The following MAJIN variants were observed in gnomAD, a reference collection of about 807,000 sequenced individuals.
MAJIN encodes the protein membrane anchored junction protein.
A neutral mutation model predicts 30.2 loss-of-function variants in MAJIN; 27 were observed. The ratio of observed to expected loss-of-function variants is 0.89; its 90% CI spans 0.66 to 1.23. The LOEUF (loss-of-function observed/expected upper bound fraction) is 1.23. Ranked by LOEUF, MAJIN falls within the 50% of genes most tolerant of loss-of-function variation. MAJIN has a pLI of 0.00. For synonymous variants in MAJIN, 78 were observed against 91.6 expected, an observed-to-expected ratio of 0.85 and a Z score of 0.85; for missense variants, 253 against 260.3, an observed-to-expected ratio of 0.97 and a Z score of 0.19.
In MAJIN at chr11:64,940,069, A is replaced by G. The variant is rs56251530; in HGVS notation, c.547-302T>C. Among the ~76,000 whole-genome samples, 1,518 of 152,314 alleles carry G rather than the reference A, an allele frequency of 1.0e-2. 24 individuals carry two copies. The highest frequency in any genetic ancestry group is 0.033 in the African/African-American group (1,390 of 41,566). On this transcript the variant is annotated intron_variant, in intron 9 of 10. Transcript: ENST00000301896. ...GTTGTTGAAGGACTCACTGGCCTAC[A>G]TCCCTGTTTCTGTGATAACTGCAGT...
rs58387921 is a variant in MAJIN, at chr11:64,966,145, G to GAAAAAAAAAAAAAAAAAAAA, written c.-65+5712_-65+5731dup. The stretch of plus-strand genomic sequence containing the variant: ...ACATGTAAGGAAGAAGATTAAAAAT[G>GAAAAAAAAAAAAAAAAAAAA]AAAAAAAAAAAAAAAAAAAAGCAGC... On this transcript the variant is annotated intron_variant, in intron 1 of 10. Coordinates refer to ENST00000301896, the MANE Select transcript of MAJIN (RefSeq NM_001037225.3). Among the ~76,000 whole-genome samples, 142 of 57,104 alleles carry GAAAAAAAAAAAAAAAAAAAA rather than the reference G, an allele frequency of 2.5e-3. 16 individuals carry two copies. The highest frequency in any genetic ancestry group is 2.9e-3 in the Non-Finnish European group (97 of 33,432). 37.5% of individuals were successfully genotyped at this position (57,104 alleles called of 152,430 possible).
chr11:64,964,597 ATT>A (rs111965963), intron 1 of MAJIN, among the ~76,000 whole-genome samples: 6 of 142,884 alleles, frequency 4.2e-5, no homozygotes, highest in Non-Finnish European at 3.1e-5. Flanking sequence ...GCAAAATTTA[ATT>A]TTTTTTTTTT....
intron 1 of MAJIN, among the ~76,000 whole-genome samples, chr11:64,964,103 C>A (rs1367787990): frequency 6.6e-6 from 1 of 152,092 alleles, no homozygotes; most frequent in Non-Finnish European, 1.5e-5. Context: ...ACCATCACAC[C>A]TAAATTTTGT....
rs1365566938 is a variant in MAJIN at position 64,938,359 on chromosome 11, T to A, written c.*216A>T. 1.5e-6 allele frequency: 1 copy of A among 675,310 alleles called. No individual in the cohort carries two copies. The highest frequency in any genetic ancestry group is 2.9e-5 in the Admixed American group (1 of 34,240). The allele number at this position is 675,310 out of a possible 1,614,324, so 41.8% of individuals were successfully genotyped here. A position where few individuals can be genotyped will look rare whatever the true frequency, so the allele number is the denominator to read the frequency against. ...ATGTTTTAAATTGGGGGAAAAAATC[T>A]ATTATAAAGGGGCAAAGGACACGAT... On this transcript the variant is annotated 3_prime_UTR_variant, in exon 11 of 11. Coordinates refer to ENST00000301896, the MANE Select transcript of MAJIN (RefSeq NM_001037225.3).
At chr11:64,948,749 C>T (rs1301074262) in intron 6 of MAJIN, among the ~76,000 whole-genome samples, 2 of 137,834 alleles carry the variant, frequency 1.5e-5, no homozygotes, top group Admixed American at 7.7e-5. Context: ...CTCTGCCTCC[C>T]GGGTTCAAGC....
intron 1 of MAJIN, among the ~76,000 whole-genome samples, chr11:64,970,361 CTTTTTTTTTTTT>C (rs1196525730): frequency 1.5e-5 from 1 of 66,058 alleles, no homozygotes; most frequent in East Asian, 3.9e-4. Flanking sequence ...AAGACTCCGT[CTTTTTTTTTTTT>C]TTTTTTTTTT....
chr11:64,947,922 C>T (rs1233562888), intron 6 of MAJIN, 103 bp from the exon 7 acceptor site: 17 of 1,060,336 alleles, frequency 1.6e-5, no homozygotes, highest in Middle Eastern at 2.6e-4. Flanking sequence ...TGCAGTGGTG[C>T]GATCTCGGCT....
At chr11:64,940,690 C>T (rs778250299) in intron 8 of MAJIN, 44 bp from the exon 9 acceptor site, 4 of 1,541,516 alleles carry the variant, frequency 2.6e-6, no homozygotes, top group Non-Finnish European at 3.6e-6. Context: ...TTTCCTCCTA[C>T]ACTGCATGGC....
At chr11:64,967,419 GAAAAAA>G (rs1285826099) in intron 1 of MAJIN, among the ~76,000 whole-genome samples, 1 of 149,258 alleles carries the variant, frequency 6.7e-6, no homozygotes, top group African/African-American at 2.5e-5. Context: ...AAAAGAAAAA[GAAAAAA>G]GAAAAAGAAA....
intron 5 of MAJIN, 77 bp from the exon 6 acceptor site, chr11:64,949,945 C>G: frequency 1.3e-6 from 2 of 1,536,016 alleles, no homozygotes; most frequent in Non-Finnish European, 1.8e-6. Flanking sequence ...GAGACTCTCT[C>G]TCCTTCCCCT....
intron 1 of MAJIN, among the ~76,000 whole-genome samples, chr11:64,967,413 GAAAAAGA>G (rs972924507): frequency 3.4e-5 from 5 of 148,980 alleles, no homozygotes; most frequent in African/African-American, 1.3e-4. Context: ...TCTCAAAAAA[GAAAAAGA>G]AAAAAGAAAA....
At chr11:64,941,128 G>A (rs1053272535) in intron 8 of MAJIN, among the ~76,000 whole-genome samples, 1 of 151,918 alleles carries the variant, frequency 6.6e-6, no homozygotes, top group African/African-American at 2.4e-5. Context: ...GTGAGCCACC[G>A]TGCCCAGCCA....
chr11:64,939,671 C>T lies in MAJIN; in HGVS notation c.643G>A (p.Gly215Ser), dbSNP rs1302186657. The change falls in exon 10 of 11, where the codon GGT (glycine) becomes AGT (serine). Residue 215 changes from glycine (G) to serine (S), a missense_variant. Coordinates refer to ENST00000301896, the MANE Select transcript of MAJIN (RefSeq NM_001037225.3). ...LRSEQPPASL[G>S]F Reference sequence around the variant, plus strand: ...ACAGAAGCTGTCTTACCTTAGAAACCCAAAGAAGCCGGTGGCTGCTCGCTC... The same window carrying T: ...ACAGAAGCTGTCTTACCTTAGAAACTCAAAGAAGCCGGTGGCTGCTCGCTC... The T allele has an allele frequency of 6.2e-7, 1 of 1,613,718 alleles. No individual in the cohort carries two copies. Among genetic ancestry groups the T allele is most frequent in the African/African-American group, 1.3e-5 (1 of 74,888 alleles).
intron 1 of MAJIN, among the ~76,000 whole-genome samples, chr11:64,966,834 T>G (rs748067488): frequency 2.7e-5 from 4 of 148,846 alleles, no homozygotes; most frequent in Non-Finnish European, 4.4e-5. Context: ...CTCAGGGGGC[T>G]GAGGCAGGAG....
intron 1 of MAJIN, among the ~76,000 whole-genome samples, chr11:64,969,996 G>C (rs1945872510): frequency 6.6e-6 from 1 of 152,124 alleles, no homozygotes; most frequent in Non-Finnish European, 1.5e-5. Context: ...TAGCCAAAGA[G>C]AGATTCTAGA....
chr11:64,971,590 GA>G (rs1590713047), intron 1 of MAJIN, among the ~76,000 whole-genome samples: 1 of 152,066 alleles, frequency 6.6e-6, no homozygotes, highest in Admixed American at 6.6e-5. Flanking sequence ...TCGCCCGAAG[GA>G]GGGGACAGAG....
intron 2 of MAJIN, among the ~76,000 whole-genome samples, 177 bp downstream of exon 2, chr11:64,959,912 T>C (rs918695194): frequency 2.6e-5 from 4 of 152,172 alleles, no homozygotes; most frequent in African/African-American, 7.2e-5. Flanking sequence ...TAGATGAAAT[T>C]AAGGTATTAC....
chr11:64,940,483 G>C, intron 9 of MAJIN, 91 bp downstream of exon 9: 3 of 1,355,946 alleles, frequency 2.2e-6, no homozygotes, highest in South Asian at 2.4e-5. Flanking sequence ...AGGGCACCCA[G>C]ACTCAGCTCT....
At chr11:64,961,467 ATTTT>A (rs36053356) in intron 1 of MAJIN, among the ~76,000 whole-genome samples, 3 of 59,152 alleles carry the variant, frequency 5.1e-5, no homozygotes, top group Admixed American at 2.8e-4. Flanking sequence ...GTGCCCGGCA[ATTTT>A]TTTTTTTTTT....
Sources: gnomAD v4.1 joint callset for allele counts (sites outside exome capture counted in the v4.1 genomes callset) on GRCh38, gnomAD v4.1.1 for gene constraint, MANE v1.5 for transcripts, NCBI Gene and HGNC (gene_info 2026-07-23, HGNC 2026-07-21) for gene names.